Variants in GALNT17 observed in about 807,000 individuals in gnomAD.
GALNT17 encodes the protein UDP-GalNAc:polypeptide N-acetylgalactosaminyltransferase-like 3.
In GALNT17, 29 loss-of-function variants were observed where a neutral mutation model predicts 63.7. That is an observed-to-expected ratio of 0.46 (90% confidence interval 0.34 to 0.62). The LOEUF (loss-of-function observed/expected upper bound fraction) is 0.62. GALNT17 is among the 20% of genes least tolerant of loss of function. The pLI, the probability that GALNT17 is intolerant of heterozygous loss-of-function variation, is 0.01. For synonymous variants in GALNT17, 305 were observed against 318.3 expected, an observed-to-expected ratio of 0.96 and a Z score of 0.45; for missense variants, 603 against 799.6, an observed-to-expected ratio of 0.75 and a Z score of 2.97.
intron 5 of GALNT17, among the ~76,000 whole-genome samples, chr7:71,430,439 G>C (rs976929090): frequency 6.6e-6 from 1 of 152,110 alleles, no homozygotes; most frequent in Non-Finnish European, 1.5e-5. Context: ...ACCATGAGAG[G>C]GAAGGTTCCA....
At chr7:71,575,078 G>A (rs1211397683) in intron 6 of GALNT17, among the ~76,000 whole-genome samples, 1 of 152,130 alleles carries the variant, frequency 6.6e-6, no homozygotes, top group Admixed American at 6.5e-5. Flanking sequence ...CCTGATGACA[G>A]AGCTCCGTTT....
chr7:71,546,349 A>G (rs1269039353), intron 5 of GALNT17, among the ~76,000 whole-genome samples: 1 of 151,768 alleles, frequency 6.6e-6, no homozygotes, highest in African/African-American at 2.4e-5. Flanking sequence ...TTTAGTAGAG[A>G]TGGGGTTTTG....
chr7:71,369,978 G>A (rs1199711074), intron 2 of GALNT17, among the ~76,000 whole-genome samples: 2 of 152,144 alleles, frequency 1.3e-5, no homozygotes, highest in Non-Finnish European at 2.9e-5. Flanking sequence ...CTGTCCTAGG[G>A]TGGAAGTGAG....
At chr7:71,346,194 A>T (rs1046264930) in intron 2 of GALNT17, among the ~76,000 whole-genome samples, 11 of 151,920 alleles carry the variant, frequency 7.2e-5, no homozygotes, top group African/African-American at 2.2e-4. Context: ...GAGTGTGTAC[A>T]TGTGACAGTG....
At chr7:71,457,557 A>T (rs1787376932) in intron 5 of GALNT17, among the ~76,000 whole-genome samples, 1 of 152,162 alleles carries the variant, frequency 6.6e-6, no homozygotes, top group South Asian at 2.1e-4. Flanking sequence ...TTTTATGGTT[A>T]TTTCTTGATG....
chr7:71,287,368 G>A (rs189840200), intron 1 of GALNT17, among the ~76,000 whole-genome samples: 141 of 152,220 alleles, frequency 9.3e-4, no homozygotes, highest in African/African-American at 3.2e-3. Context: ...GGGATTACAG[G>A]TGTGAGACAC....
chr7:71,364,121 AG>A (rs1239063744), intron 2 of GALNT17, among the ~76,000 whole-genome samples: 1 of 152,158 alleles, frequency 6.6e-6, no homozygotes, highest in African/African-American at 2.4e-5. Context: ...CAGTATATAC[AG>A]CACCCTATTT....
intron 6 of GALNT17, among the ~76,000 whole-genome samples, chr7:71,613,039 T>C (rs1209664836): frequency 6.6e-6 from 1 of 152,204 alleles, no homozygotes; most frequent in African/African-American, 2.4e-5. Context: ...TAGACGTTTC[T>C]GATGCGGGGA....
intron 5 of GALNT17, among the ~76,000 whole-genome samples, chr7:71,437,576 C>T (rs1228614576): frequency 6.6e-6 from 1 of 152,182 alleles, no homozygotes; most frequent in Non-Finnish European, 1.5e-5. Context: ...CTGCTGCCTT[C>T]CCACAGGGCT....
At chr7:71,396,724 A>G (rs186680547) in intron 3 of GALNT17, among the ~76,000 whole-genome samples, 1 of 152,032 alleles carries the variant, frequency 6.6e-6, no homozygotes, top group Non-Finnish European at 1.5e-5. Context: ...TCATCTTGAT[A>G]ATATTAATGC....
At chr7:71,300,663 A>T (rs1237792089) in intron 1 of GALNT17, 2 of 247,922 alleles carry the variant, frequency 8.1e-6, no homozygotes, top group African/African-American at 4.6e-5. Context: ...GGAAAAATTA[A>T]AAATTGCGCA....
chr7:71,156,689 C>CCTTCCTCT, intron 1 of GALNT17, among the ~76,000 whole-genome samples: 1 of 136,922 alleles, frequency 7.3e-6, no homozygotes, highest in African/African-American at 2.7e-5. Context: ...TCCCTTCCTT[C>CCTTCCTCT]CTCTCTGTCT....
In GALNT17 at chr7:71,576,529, T is replaced by TTGTGTGTGTGTGTG. The variant is rs3048366; in HGVS notation, c.1080+5151_1080+5164dup. Among the ~76,000 whole-genome samples, 649 of 142,896 alleles carry TTGTGTGTGTGTGTG rather than the reference T, an allele frequency of 4.5e-3. 4 individuals carry two copies. The highest frequency in any genetic ancestry group is 6.3e-3 in the Non-Finnish European group (416 of 65,814). 93.7% of individuals were successfully genotyped at this position (142,896 alleles called of 152,430 possible). A position where few individuals can be genotyped will look rare whatever the true frequency, so the allele number is the denominator to read the frequency against. ...TGCCAGCATCTGTTGTTTTTTAACT[T>TTGTGTGTGTGTGTG]TGTGTGTGTGTGTGTGTGTGTGTGT... On this transcript the variant is annotated intron_variant, in intron 6 of 10. Transcript: ENST00000333538.
intron 1 of GALNT17, among the ~76,000 whole-genome samples, chr7:71,146,103 C>G (rs1164675962): frequency 6.6e-6 from 1 of 152,076 alleles, no homozygotes; most frequent in East Asian, 1.9e-4. Flanking sequence ...CTGGAGGGAT[C>G]CTTCGGGAGG....
At chr7:71,419,929 C>T (rs139457002) in intron 4 of GALNT17, among the ~76,000 whole-genome samples, 127 of 152,280 alleles carry the variant, frequency 8.3e-4, no homozygotes, top group African/African-American at 2.5e-3. Context: ...TGAGATGAGC[C>T]AACAGGTAAT....
chr7:71,157,288 A>G (rs1788253894), intron 1 of GALNT17, among the ~76,000 whole-genome samples: 1 of 151,938 alleles, frequency 6.6e-6, no homozygotes, highest in African/African-American at 2.4e-5. Context: ...TGTGACGATT[A>G]AATTAGTTTA....
chr7:71,560,429 C>T (rs1789237572), intron 5 of GALNT17, among the ~76,000 whole-genome samples: 1 of 152,054 alleles, frequency 6.6e-6, no homozygotes, highest in South Asian at 2.1e-4. Flanking sequence ...AGGCTTTGAT[C>T]AATAGGGAAT....
chr7:71,164,485 A>T (rs111428758), intron 1 of GALNT17, among the ~76,000 whole-genome samples: 2 of 152,344 alleles, frequency 1.3e-5, no homozygotes, highest in African/African-American at 4.8e-5. Context: ...TGGGGATCAC[A>T]ATTTGAGATG....
chr7:71,201,241 T>TTTTATATATATATATATATATATATATA (rs1789163354), intron 1 of GALNT17, among the ~76,000 whole-genome samples: 3 of 138,382 alleles, frequency 2.2e-5, no homozygotes, highest in African/African-American at 8.5e-5. Flanking sequence ...GTGTTTATTT[T>TTTTATATATATATATATATATATATATA]TATATATATA....
Sources: allele counts gnomAD v4.1 joint callset (sites outside exome capture counted in the v4.1 genomes callset), GRCh38; gene constraint gnomAD v4.1.1; transcripts MANE v1.5; gene names NCBI Gene and HGNC (gene_info 2026-07-23, HGNC 2026-07-21).